The following INPP4B variants were observed in gnomAD, a reference collection of about 807,000 sequenced individuals.
INPP4B encodes the protein inositol polyphosphate 4-phosphatase type II.
In INPP4B, 55 loss-of-function variants were observed where a neutral mutation model predicts 122.5. The ratio of observed to expected loss-of-function variants is 0.45; its 90% confidence interval spans 0.36 to 0.56. The LOEUF is 0.56. Among genes scored for constraint, INPP4B ranks in the 20% least tolerant of loss-of-function variants. The pLI is 0.00. For synonymous variants in INPP4B, 403 were observed against 388.7 expected (o/e 1.04, Z -0.43); for missense variants, 1,000 against 1,097.7 (o/e 0.91, Z 1.26).
chr4:142,702,506 C>T (rs573828902), intron 2 of INPP4B, among the ~76,000 whole-genome samples: 4 of 152,224 alleles, frequency 2.6e-5, no homozygotes, highest in Admixed American at 6.5e-5. Flanking sequence ...GGGCAGATAA[C>T]CTGAGGTTGG....
chr4:142,517,064 A>G (rs1317693424), intron 2 of INPP4B, among the ~76,000 whole-genome samples: 1 of 151,122 alleles, frequency 6.6e-6, no homozygotes, highest in Non-Finnish European at 1.5e-5. Context: ...TCTAGTTTGC[A>G]TATGACTAGA....
intron 2 of INPP4B, among the ~76,000 whole-genome samples, chr4:142,466,169 G>A (rs1229499903): frequency 1.3e-5 from 2 of 152,144 alleles, no homozygotes; most frequent in Non-Finnish European, 2.9e-5. Context: ...CTCAGAAGAA[G>A]CAGGAAGATG....
chr4:142,209,063 A>G (rs1386039347), intron 12 of INPP4B, 37 bp from the exon 13 acceptor site: 2 of 1,530,526 alleles, frequency 1.3e-6, no homozygotes, highest in Non-Finnish European at 1.8e-6. Context: ...CTTTATTTTT[A>G]TCTTAAATCC....
chr4:142,771,168 G>GA (rs1284053899), intron 1 of INPP4B, among the ~76,000 whole-genome samples: 2 of 151,958 alleles, frequency 1.3e-5, no homozygotes, highest in Non-Finnish European at 2.9e-5. Context: ...TCCTATATAA[G>GA]AAAAAATTAC....
intron 7 of INPP4B, among the ~76,000 whole-genome samples, chr4:142,338,201 T>C (rs905959454): frequency 1.3e-5 from 2 of 151,900 alleles, no homozygotes; most frequent in Admixed American, 1.3e-4. Context: ...AAGTGCCATA[T>C]GACAGACTAG....
chr4:142,360,520 G>A (rs535475576), intron 7 of INPP4B, among the ~76,000 whole-genome samples: 5 of 151,984 alleles, frequency 3.3e-5, no homozygotes, highest in African/African-American at 9.6e-5. Flanking sequence ...TATTTCCAAC[G>A]ACTACTTCAT....
chr4:142,317,976 T>C (rs1172829949), intron 7 of INPP4B, among the ~76,000 whole-genome samples: 1 of 152,114 alleles, frequency 6.6e-6, no homozygotes, highest in Non-Finnish European at 1.5e-5. Flanking sequence ...TGCCAGGCAA[T>C]AGGATATGAG....
chr4:142,224,559 A>G (rs2149748813), intron 12 of INPP4B, among the ~76,000 whole-genome samples: 1 of 152,264 alleles, frequency 6.6e-6, no homozygotes, highest in East Asian at 1.9e-4. Flanking sequence ...AACACAGAGA[A>G]TGTGTCTCTT....
intron 21 of INPP4B, among the ~76,000 whole-genome samples, chr4:142,121,014 T>C (rs1296853471): frequency 6.6e-6 from 1 of 152,144 alleles, no homozygotes; most frequent in African/African-American, 2.4e-5. Flanking sequence ...AGAAAAAGCA[T>C]GCTGTACTCT....
At chr4:142,315,720 T>A (rs542629562) in intron 7 of INPP4B, among the ~76,000 whole-genome samples, 79 of 150,766 alleles carry the variant, frequency 5.2e-4, no homozygotes, top group Non-Finnish European at 8.1e-4. Context: ...ATGTCTTAAT[T>A]TGAAATAAAG....
chr4:142,633,742 A>G (rs1262190563), intron 2 of INPP4B, among the ~76,000 whole-genome samples: 1 of 152,198 alleles, frequency 6.6e-6, no homozygotes, highest in Non-Finnish European at 1.5e-5. Flanking sequence ...ATTAGAGAAT[A>G]TCAAAAAGGT....
chr4:142,652,673 T>C (rs1051145326), intron 2 of INPP4B, among the ~76,000 whole-genome samples: 4 of 152,144 alleles, frequency 2.6e-5, no homozygotes, highest in Admixed American at 1.3e-4. Context: ...AAGGACCTCT[T>C]GAAGAAGAAC....
chr4:142,176,118 TTTA>T (rs146074826), intron 15 of INPP4B, among the ~76,000 whole-genome samples: 12,085 of 137,512 alleles, frequency 0.088, 589 homozygotes, highest in Middle Eastern at 0.12. Context: ...ACTGCTTTCT[TTTA>T]TTATTATTAT....
intron 7 of INPP4B, among the ~76,000 whole-genome samples, chr4:142,334,453 C>T (rs940023827): frequency 2.0e-5 from 3 of 152,072 alleles, no homozygotes; most frequent in African/African-American, 7.2e-5. Context: ...GACTTTGTTC[C>T]CTTTGGATAT....
intron 1 of INPP4B, among the ~76,000 whole-genome samples, chr4:142,822,651 C>A (rs1780931727): frequency 6.6e-6 from 1 of 152,134 alleles, no homozygotes; most frequent in Non-Finnish European, 1.5e-5. Context: ...AAACTGTCTT[C>A]CATGAAACTG....
At position 142,828,862 on chromosome 4, in the gene INPP4B, A is replaced by G. The variant is rs970931476; in HGVS notation, c.-254+17347T>C. On this transcript the variant is annotated intron_variant, in intron 1 of 25. Coordinates refer to ENST00000262992, the MANE Select transcript of INPP4B (RefSeq NM_001101669.3). ...TAGACAAGTTTGAAGAGAAAAGAGA[A>G]TATAATGGGTTGAATATTTTATGTT... Among the ~76,000 whole-genome samples the G allele has an allele frequency of 3.9e-5, 6 of 152,236 alleles. No homozygotes were observed. The East Asian group carries it at 1.2e-3, about 29-fold the overall frequency.
Position 142,269,646 on chromosome 4 carries a change from T to C in INPP4B, c.615+1017A>G, listed in dbSNP as rs1412415580. On this transcript the variant is annotated intron_variant, in intron 10 of 25. Coordinates refer to ENST00000262992, the MANE Select transcript of INPP4B (RefSeq NM_001101669.3). The stretch of plus-strand genomic sequence containing the variant: ...GGAGGAATAAGCTTTAGTGAGTTAT[T>C]GAGCAAAATGGTTACTGTATAATAG... Among the ~76,000 whole-genome samples the C allele has an allele frequency of 3.3e-5, 5 of 152,162 alleles. No individual in the cohort carries two copies. The East Asian group carries it at 9.6e-4, about 29-fold the overall frequency.
In INPP4B at chr4:142,804,183, A is replaced by G. The variant is rs1390974417; in HGVS notation, c.-254+42026T>C. On this transcript the variant is annotated intron_variant, in intron 1 of 25. Transcript: ENST00000262992. Reference sequence around the variant, plus strand: ...TATGGCTTATTCTAATAGGAAATATACTATTTATAATAAATGTATCACTTT... The same window carrying G: ...TATGGCTTATTCTAATAGGAAATATGCTATTTATAATAAATGTATCACTTT... Among the ~76,000 whole-genome samples, 2 of 151,856 alleles carry G rather than the reference A, an allele frequency of 1.3e-5. 1 individual carries two copies. Among genetic ancestry groups the G allele is most frequent in the African/African-American group, 4.8e-5 (2 of 41,264 alleles).
chr4:142,464,392 T>C (rs572349232), intron 2 of INPP4B, among the ~76,000 whole-genome samples: 39 of 152,252 alleles, frequency 2.6e-4, no homozygotes, highest in African/African-American at 9.1e-4. Flanking sequence ...CCCCTAGTAA[T>C]GTCAATAATG....
Sources: gnomAD v4.1 joint callset for allele counts (sites outside exome capture counted in the v4.1 genomes callset) on GRCh38, gnomAD v4.1.1 for gene constraint, MANE v1.5 for transcripts, NCBI Gene and HGNC (gene_info 2026-07-23, HGNC 2026-07-21) for gene names.